BDP1: variants seen among roughly 807,000 people sequenced by gnomAD.
BDP1 encodes transcription factor TFIIIB component B'' homolog.
Under a neutral mutation model 266.6 loss-of-function variants are expected in BDP1, and 169 were observed. The observed-to-expected ratio is 0.63, with a 90% CI of 0.56 to 0.72. BDP1 has a LOEUF of 0.72. BDP1 is among the 30% of genes least tolerant of loss of function. BDP1 has a pLI of 0.00. For synonymous variants in BDP1, 1,090 were observed against 1,022.4 expected (o/e 1.07, Z -1.26); for missense variants, 3,015 against 3,053.8 (o/e 0.99, Z 0.30).
intron 7 of BDP1, among the ~76,000 whole-genome samples, chr5:71,476,904 C>T (rs1434918632): frequency 6.6e-6 from 1 of 152,124 alleles, no homozygotes; most frequent in East Asian, 1.9e-4. Flanking sequence ...GGGGTTTCAC[C>T]CTGTTAGCCA....
At chr5:71,481,945 G>C (rs913608444) in intron 7 of BDP1, among the ~76,000 whole-genome samples, 1 of 152,246 alleles carries the variant, frequency 6.6e-6, no homozygotes, top group Non-Finnish European at 1.5e-5. Context: ...GTAGAGAAAG[G>C]CTACTCTAGG....
chr5:71,530,267 C>A (rs1766153091), intron 25 of BDP1, among the ~76,000 whole-genome samples: 1 of 151,822 alleles, frequency 6.6e-6, no homozygotes, highest in South Asian at 2.1e-4. Context: ...TAGGGTCTTA[C>A]TCCATTGCCC....
chr5:71,501,832 G>GAGT (rs1764258502), intron 14 of BDP1, among the ~76,000 whole-genome samples, 179 bp downstream of exon 14: 1 of 151,990 alleles, frequency 6.6e-6, no homozygotes, highest in Non-Finnish European at 1.5e-5. Context: ...GCTTGATATT[G>GAGT]CTTATATAAA....
chr5:71,479,594 C>T (rs1762811506), intron 7 of BDP1, among the ~76,000 whole-genome samples: 3 of 151,208 alleles, frequency 2.0e-5, no homozygotes, highest in African/African-American at 7.3e-5. Context: ...TTGCCCAGGC[C>T]AGAGTGCAGT....
At chr5:71,563,040 C>A in intron 38 of BDP1, 1 of 377,580 alleles carries the variant, frequency 2.6e-6, no homozygotes, top group Non-Finnish European at 4.4e-6. Context: ...TTGTAAAGAA[C>A]ATCTTTAAAC....
At chr5:71,502,527 C>A in intron 14 of BDP1, 72 bp from the exon 15 acceptor site, 1 of 1,273,808 alleles carries the variant, frequency 7.9e-7, no homozygotes, top group Non-Finnish European at 1.1e-6. Flanking sequence ...AAATGGTTTA[C>A]TTATTCATGC....
chr5:71,524,158 G>A lies in BDP1; in HGVS notation c.5607G>A (p.Arg1869=), dbSNP rs370542639. Residue 1869 remains arginine, a synonymous_variant, in exon 25 of 39, where the codon CGG becomes CGA. Coordinates refer to ENST00000358731, the MANE Select transcript of BDP1 (RefSeq NM_018429.3). ...RASKAMLVTL[R]ASQEEDDDAD... Reference sequence around the variant, plus strand: ...CCAAGGCCATGCTGGTGACTCTTCGGGCTTCCCAGGAAGAAGATGATGATG... The same window carrying A: ...CCAAGGCCATGCTGGTGACTCTTCGAGCTTCCCAGGAAGAAGATGATGATG... 1 of 1,614,002 alleles carries A rather than the reference G, an allele frequency of 6.2e-7. No individual in the cohort carries two copies. Among genetic ancestry groups the A allele is most frequent in the African/African-American group, 1.3e-5 (1 of 74,906 alleles).
intron 25 of BDP1, among the ~76,000 whole-genome samples, chr5:71,528,169 T>C (rs1239686993): frequency 6.6e-6 from 1 of 152,160 alleles, no homozygotes; most frequent in Non-Finnish European, 1.5e-5. Flanking sequence ...ACCTTTATAC[T>C]GTTTTTCATA....
Position 71,506,714 on chromosome 5 carries a change from G to GT in BDP1, c.2372+1969dup, listed in dbSNP as rs1455358379. 4.1e-5 allele frequency among the ~76,000 whole-genome samples: 6 copies of GT among 147,756 alleles called. No individual in the cohort carries two copies. The East Asian group carries it at 1.2e-3, about 30-fold the overall frequency. On this transcript the variant is annotated intron_variant, in intron 16 of 38. Transcript: ENST00000358731. Reference sequence around the variant, plus strand: ...TACCTACTTCATATAAATATTTTAAGTTTTTTGTCATGATTGGTGATTTGG... The same window carrying GT: ...TACCTACTTCATATAAATATTTTAAGTTTTTTTGTCATGATTGGTGATTTGG...
intron 4 of BDP1, among the ~76,000 whole-genome samples, 185 bp from the exon 5 acceptor site, chr5:71,465,911 C>G (rs1199908190): frequency 1.3e-5 from 2 of 152,050 alleles, no homozygotes; most frequent in African/African-American, 4.8e-5. Context: ...TACTAAATGT[C>G]TCGAGATAAA....
At chr5:71,502,481 G>A (rs1335127079) in intron 14 of BDP1, 118 bp from the exon 15 acceptor site, 2 of 978,516 alleles carry the variant, frequency 2.0e-6, no homozygotes, top group African/African-American at 3.3e-5. Flanking sequence ...GGCGGATTAT[G>A]TCTTTTCAGG....
chr5:71,532,162 T>TA, intron 25 of BDP1, 146 bp from the exon 26 acceptor site: 6 of 634,684 alleles, frequency 9.5e-6, no homozygotes, highest in Non-Finnish European at 1.5e-5. Flanking sequence ...ATAAAAGAAT[T>TA]ACTCCATTCC....
At chr5:71,562,195 CAAAAAAAAA>C (rs564127239) in intron 37 of BDP1, 70 bp from the exon 38 acceptor site, 480 of 459,308 alleles carry the variant, frequency 1.0e-3, no homozygotes, top group East Asian at 3.5e-3. Flanking sequence ...GACTGCGTCT[CAAAAAAAAA>C]AAAAAAAAAA....
At chr5:71,477,752 C>T (rs2150381559) in intron 7 of BDP1, among the ~76,000 whole-genome samples, 1 of 151,890 alleles carries the variant, frequency 6.6e-6, no homozygotes, top group African/African-American at 2.4e-5. Context: ...TCCCAAGTGC[C>T]CAACTACAGG....
rs1013493257 is a variant in BDP1 at position 71,497,291 on chromosome 5, T to C, written c.1821T>C (p.Asn607=). Reference sequence around the variant, plus strand: ...TCAGGGAAATTGATCAAACAGAAAATGTTAAACCAATGTTGAGAGGTCGCT... The same window carrying C: ...TCAGGGAAATTGATCAAACAGAAAACGTTAAACCAATGTTGAGAGGTCGCT... ...NNSLEIDQTE[N]VKPMLRGRFQ... The change falls in exon 13 of 39, where the codon AAT becomes AAC. Residue 607 remains asparagine, a synonymous_variant. Coordinates refer to ENST00000358731, the MANE Select transcript of BDP1 (RefSeq NM_018429.3). 5 of 1,613,546 alleles carry C rather than the reference T, an allele frequency of 3.1e-6. No homozygotes were observed. The highest frequency in any genetic ancestry group is 2.7e-5 in the African/African-American group (2 of 75,022).
intron 14 of BDP1, among the ~76,000 whole-genome samples, chr5:71,502,267 C>T (rs911919385): frequency 2.0e-5 from 3 of 150,672 alleles, no homozygotes; most frequent in Non-Finnish European, 3.0e-5. Context: ...CTCTGCCTCC[C>T]GGTTTCAAGC....
intron 11 of BDP1, among the ~76,000 whole-genome samples, chr5:71,494,110 C>T (rs1401083486): frequency 6.6e-6 from 1 of 152,064 alleles, no homozygotes; most frequent in African/African-American, 2.4e-5. Flanking sequence ...CTTCTGTTAA[C>T]AAATCCTCCA....
chr5:71,529,717 C>T (rs1480716882), intron 25 of BDP1, among the ~76,000 whole-genome samples: 3 of 151,830 alleles, frequency 2.0e-5, no homozygotes, highest in African/African-American at 7.3e-5. Flanking sequence ...GTTTTTCAGC[C>T]CTAAAGGGAT....
chr5:71,506,916 G>C (rs1352498132), intron 16 of BDP1, among the ~76,000 whole-genome samples: 1 of 151,736 alleles, frequency 6.6e-6, no homozygotes, highest in Admixed American at 6.6e-5. Flanking sequence ...CACCTTTTGG[G>C]CTCAATTGAT....
Sources: allele counts gnomAD v4.1 joint callset (sites outside exome capture counted in the v4.1 genomes callset), GRCh38; gene constraint gnomAD v4.1.1; transcripts MANE v1.5; gene names NCBI Gene and HGNC (gene_info 2026-07-23, HGNC 2026-07-21).